The following ZFAND3 variants were observed in gnomAD, a reference collection of about 807,000 sequenced individuals.
ZFAND3 encodes AN1-type zinc finger protein 3.
A neutral mutation model predicts 29.6 loss-of-function variants in ZFAND3; 10 were observed. The observed-to-expected ratio is 0.34, with a 90% CI of 0.21 to 0.57. ZFAND3 has a LOEUF of 0.57. Ranked by LOEUF, ZFAND3 falls within the 20% of genes least tolerant of loss-of-function variation. The probability of loss-of-function intolerance (pLI) is 0.86; values close to 1 mark genes in which losing one functional copy is unlikely to be tolerated. For synonymous variants in ZFAND3, 128 were observed against 112.6 expected (o/e 1.14, Z -0.87); for missense variants, 230 against 304.5 (o/e 0.76, Z 1.82).
intron 4 of ZFAND3, among the ~76,000 whole-genome samples, chr6:38,096,152 T>C (rs1764974006): frequency 6.6e-6 from 1 of 152,122 alleles, no homozygotes. Flanking sequence ...CTTTTAGAAC[T>C]CATTAGGGTT....
intron 4 of ZFAND3, among the ~76,000 whole-genome samples, chr6:38,112,586 G>A (rs1366493612): frequency 6.6e-6 from 1 of 152,238 alleles, no homozygotes; most frequent in African/African-American, 2.4e-5. Flanking sequence ...AATGATATTT[G>A]TGAGTAAAAG....
At chr6:37,960,703 T>C (rs1762179604) in intron 2 of ZFAND3, among the ~76,000 whole-genome samples, 1 of 152,212 alleles carries the variant, frequency 6.6e-6, no homozygotes. Flanking sequence ...GAAACTTCTC[T>C]CATCACAGTT....
At chr6:37,890,198 A>G (rs1448054494) in intron 1 of ZFAND3, among the ~76,000 whole-genome samples, 2 of 152,224 alleles carry the variant, frequency 1.3e-5, no homozygotes, top group Non-Finnish European at 2.9e-5. Flanking sequence ...ACAATTTTGA[A>G]TAAGTTTATA....
intron 1 of ZFAND3, among the ~76,000 whole-genome samples, chr6:37,821,455 A>G (rs552557803): frequency 6.6e-5 from 10 of 152,364 alleles, no homozygotes; most frequent in African/African-American, 1.9e-4. Context: ...TCTAATTCCC[A>G]CAAGAATCTT....
At chr6:37,941,315 C>T (rs1476311437) in intron 2 of ZFAND3, among the ~76,000 whole-genome samples, 2 of 152,198 alleles carry the variant, frequency 1.3e-5, no homozygotes, top group African/African-American at 4.8e-5. Flanking sequence ...GAGGATGTAA[C>T]AGTAACATTG....
intron 5 of ZFAND3, among the ~76,000 whole-genome samples, chr6:38,128,761 T>G (rs1042428360): frequency 2.0e-5 from 3 of 152,216 alleles, no homozygotes; most frequent in Non-Finnish European, 4.4e-5. Context: ...GCATTTGGGT[T>G]GGTTCTACGT....
chr6:38,096,427 A>C (rs1581913972), intron 4 of ZFAND3, among the ~76,000 whole-genome samples: 2 of 152,042 alleles, frequency 1.3e-5, no homozygotes, highest in Non-Finnish European at 2.9e-5. Context: ...CGCCTCAGCC[A>C]CCCAAAGTGC....
In ZFAND3 at chr6:37,971,978, A is replaced by T. The variant is rs940033433; in HGVS notation, c.112+41979A>T. ...CGATAGAACAAGGCCCTGTCTCAAA[A>T]AAAATAAAATAAAATAAAATAAAAA... On this transcript the variant is annotated intron_variant, in intron 2 of 5. Transcript: ENST00000287218. Among the ~76,000 whole-genome samples the T allele has an allele frequency of 2.6e-5, 4 of 152,104 alleles. No homozygotes were observed. The East Asian group carries it at 5.8e-4, about 22-fold the overall frequency.
intron 4 of ZFAND3, among the ~76,000 whole-genome samples, chr6:38,083,804 G>A (rs1191610157): frequency 6.6e-6 from 1 of 151,972 alleles, no homozygotes; most frequent in Non-Finnish European, 1.5e-5. Flanking sequence ...AAACTCTGGT[G>A]AATATCATTT....
At chr6:38,137,454 C>T (rs955486219) in intron 5 of ZFAND3, among the ~76,000 whole-genome samples, 1 of 152,158 alleles carries the variant, frequency 6.6e-6, no homozygotes, top group East Asian at 1.9e-4. Context: ...CAATATGTTT[C>T]TATTTTTAAT....
At chr6:38,030,992 A>G (rs750790525) in intron 2 of ZFAND3, among the ~76,000 whole-genome samples, 4 of 152,216 alleles carry the variant, frequency 2.6e-5, no homozygotes, top group Non-Finnish European at 5.9e-5. Flanking sequence ...AAAGCTTGCT[A>G]GGGTTCTAAG....
chr6:38,095,001 T>G (rs1305828507), intron 4 of ZFAND3, among the ~76,000 whole-genome samples: 1 of 152,196 alleles, frequency 6.6e-6, no homozygotes, highest in African/African-American at 2.4e-5. Context: ...GGATTAGGGA[T>G]ACTCAACCTG....
intron 1 of ZFAND3, among the ~76,000 whole-genome samples, chr6:37,870,830 C>T (rs1458618646): frequency 6.6e-6 from 1 of 152,158 alleles, no homozygotes; most frequent in Non-Finnish European, 1.5e-5. Context: ...CAGGTGTGCA[C>T]CACCACTCCT....
chr6:38,089,630 G>C (rs1188465777), intron 4 of ZFAND3, among the ~76,000 whole-genome samples: 2 of 152,222 alleles, frequency 1.3e-5, no homozygotes, highest in African/African-American at 2.4e-5. Context: ...AATTGATTCA[G>C]AAGCTAAAGG....
chr6:38,020,849 G>C (rs940282939), intron 2 of ZFAND3, among the ~76,000 whole-genome samples: 2 of 152,138 alleles, frequency 1.3e-5, no homozygotes, highest in Non-Finnish European at 2.9e-5. Flanking sequence ...CTGTCAGCAG[G>C]TTTACATAGC....
intron 2 of ZFAND3, among the ~76,000 whole-genome samples, chr6:38,013,233 A>G (rs183090322): frequency 1.5e-4 from 23 of 152,318 alleles, no homozygotes; most frequent in African/African-American, 4.8e-4. Flanking sequence ...ATGGAACACT[A>G]TCATTCGCTA....
intron 1 of ZFAND3, among the ~76,000 whole-genome samples, chr6:37,924,451 A>C (rs1438268617): frequency 6.6e-6 from 1 of 151,924 alleles, no homozygotes; most frequent in Non-Finnish European, 1.5e-5. Flanking sequence ...CTTACATTCT[A>C]GTGGTGAAAG....
chr6:37,947,142 C>A (rs1264802779), intron 2 of ZFAND3, among the ~76,000 whole-genome samples: 1 of 152,068 alleles, frequency 6.6e-6, no homozygotes. Flanking sequence ...TTTACACTTG[C>A]CAAAATCTTT....
chr6:38,074,890 G>T lies in ZFAND3; in HGVS notation c.296-7502G>T, dbSNP rs1053223203. On this transcript the variant is annotated intron_variant, in intron 3 of 5. Coordinates refer to ENST00000287218, the MANE Select transcript of ZFAND3 (RefSeq NM_021943.3). ...GGCACTTAAGAATTCTGCTACATCC[G>T]CTCTGCCTGTGTTCTGTAAATGGAA... Among the ~76,000 whole-genome samples, 7 of 152,164 alleles carry T rather than the reference G, an allele frequency of 4.6e-5. No individual in the cohort carries two copies. In the East Asian group the frequency reaches 1.4e-3, roughly 29 times the overall value.
Sources: gnomAD v4.1 joint callset for allele counts (sites outside exome capture counted in the v4.1 genomes callset) on GRCh38, gnomAD v4.1.1 for gene constraint, MANE v1.5 for transcripts, NCBI Gene and HGNC (gene_info 2026-07-23, HGNC 2026-07-21) for gene names.